The following ZNF248 variants were observed in gnomAD, a reference collection of about 807,000 sequenced individuals.
ZNF248 encodes the protein KRAB protein domain.
ZNF248 carries 20 observed loss-of-function variants against 44.3 expected under a neutral mutation model. The observed-to-expected ratio is 0.45, with a 90% CI of 0.32 to 0.66. The LOEUF is 0.66. Ranked by LOEUF, ZNF248 falls within the 30% of genes least tolerant of loss-of-function variation. The pLI is 0.04. For synonymous variants in ZNF248, 224 were observed against 229.0 expected (o/e 0.98, Z 0.20); for missense variants, 654 against 677.0 (o/e 0.97, Z 0.38).
chr10:37,826,606 A>G (rs1296067549), downstream of ZNF248, among the ~76,000 whole-genome samples: 2 of 152,170 alleles, frequency 1.3e-5, no homozygotes, highest in Non-Finnish European at 2.9e-5. Context: ...ATGTCACAAT[A>G]ATGTCTGTAC....
chr10:37,804,553 C>T (rs2050281854), intron 6 of ZNF248, among the ~76,000 whole-genome samples: 1 of 152,186 alleles, frequency 6.6e-6, no homozygotes, highest in African/African-American at 2.4e-5. Context: ...CCCACCTCAG[C>T]CTCCCGAATA....
At chr10:37,837,513 A>C in intron 5 of ZNF248, 104 bp downstream of exon 5, 1 of 938,504 alleles carries the variant, frequency 1.1e-6, no homozygotes, top group South Asian at 1.6e-5. Context: ...TCTGGGGCTA[A>C]AAAGAGACAT....
intron 6 of ZNF248, among the ~76,000 whole-genome samples, chr10:37,778,666 T>C (rs2046904681): frequency 6.6e-6 from 1 of 152,190 alleles, no homozygotes; most frequent in Non-Finnish European, 1.5e-5. Flanking sequence ...GTTTCAGGTC[T>C]AACGTTTAAG....
chr10:37,764,392 G>A, the ZNF248 span, among the ~76,000 whole-genome samples: 9 of 152,100 alleles, frequency 5.9e-5, no homozygotes, highest in Non-Finnish European at 7.3e-5. Flanking sequence ...ATGCGTGCCC[G>A]AAACTTCATT....
In ZNF248 at chr10:37,828,821, TACAATAAGAA is replaced by T. The variant is rs1485415344; in HGVS notation, c.*2784_*2793del. The stretch of plus-strand genomic sequence containing the variant: ...ACAGAGCTGCTTACCTTACACCACA[TACAATAAGAA>T]ACACCACAGGGAGGTATGAATAATG... On this transcript the variant is annotated 3_prime_UTR_variant, in exon 6 of 6. Transcript: ENST00000395867. The T allele has an allele frequency of 4.4e-5, 43 of 985,292 alleles. No homozygotes were observed. Among genetic ancestry groups the T allele is most frequent in the Non-Finnish European group, 5.1e-5 (42 of 829,938 alleles). The allele number at this position is 985,292 out of a possible 1,614,324, so 61.0% of individuals were successfully genotyped here. A position where few individuals can be genotyped will look rare whatever the true frequency, so the allele number is the denominator to read the frequency against.
the ZNF248 span, among the ~76,000 whole-genome samples, chr10:37,768,878 G>C: frequency 3.9e-5 from 6 of 152,052 alleles, no homozygotes; most frequent in African/African-American, 1.4e-4. Context: ...CTGCTAGCAA[G>C]ACTAATAAAG....
At chr10:37,827,386 G>T (rs35712570), downstream of ZNF248, among the ~76,000 whole-genome samples, 2 of 152,184 alleles carry the variant, frequency 1.3e-5, no homozygotes, top group African/African-American at 2.4e-5. Flanking sequence ...ACCAATAACA[G>T]AGAGTATTGG....
At chr10:37,857,833 G>T (rs1185863893), upstream of ZNF248, 1 of 152,490 alleles carries the variant, frequency 6.6e-6, no homozygotes, top group Non-Finnish European at 1.5e-5. Flanking sequence ...CGGGAGCCCC[G>T]GAACTCGCGT....
At position 37,831,683 on chromosome 10, in the gene ZNF248, T is replaced by TA; in HGVS notation, c.1671dup (p.Ser558Ter). On this transcript the variant is annotated frameshift_variant, in exon 6 of 6. Coordinates refer to ENST00000395867, the MANE Select transcript of ZNF248 (RefSeq NM_021045.3). LOFTEE classifies it high-confidence loss of function. ...TGTTTGGTGAGCACTGACCTCTGAC[T>TA]AAAGGTCTTCCCACATGCATTACAC... 1 of 1,613,950 alleles carries TA rather than the reference T, an allele frequency of 6.2e-7. No individual in the cohort carries two copies. The highest frequency in any genetic ancestry group is 1.1e-5 in the South Asian group (1 of 91,074).
chr10:37,837,701 T>C lies in ZNF248; in HGVS notation c.154A>G (p.Thr52Ala), dbSNP rs367729167. 39 of 1,613,888 alleles carry C rather than the reference T, an allele frequency of 2.4e-5. No individual in the cohort carries two copies. Among genetic ancestry groups the C allele is most frequent in the Non-Finnish European group, 3.1e-5 (37 of 1,179,960 alleles). Residue 52 changes from threonine (T) to alanine (A), a missense_variant, in exon 5 of 6, where the codon ACT becomes GCT. Physicochemically the swap from Thr to Ala is moderately conservative, Grantham distance 58 (BLOSUM62 0). Transcript: ENST00000395867. ...SNLVSVGYCI[T>A]KPEVIFKIEQ... ...ATCTTAAAGATCACTTCTGGTTTAGTAATGCAATACCCTGTTAAGAGAAAA... is the reference window on the plus strand; with the variant it reads ...ATCTTAAAGATCACTTCTGGTTTAGCAATGCAATACCCTGTTAAGAGAAAA...
chr10:37,764,345 T>A, the ZNF248 span, among the ~76,000 whole-genome samples: 6 of 152,330 alleles, frequency 3.9e-5, no homozygotes, highest in African/African-American at 1.4e-4. Flanking sequence ...TTGTCTGCTC[T>A]CAAACCCTGT....
chr10:37,774,156 G>C (rs2046401464), downstream of ZNF248, among the ~76,000 whole-genome samples: 1 of 152,068 alleles, frequency 6.6e-6, no homozygotes. Context: ...AGAAGAAATG[G>C]GGAGTAGTCT....
chr10:37,819,910 T>C (rs1191318947), intron 6 of ZNF248: 5 of 773,752 alleles, frequency 6.5e-6, no homozygotes, highest in Admixed American at 1.7e-5. Flanking sequence ...AGCATAACCA[T>C]CTGCCCATTG....
intron 6 of ZNF248, among the ~76,000 whole-genome samples, chr10:37,805,091 T>C (rs1330505183): frequency 1.3e-5 from 2 of 152,290 alleles, no homozygotes; most frequent in East Asian, 1.9e-4. Flanking sequence ...AACAGTTGTA[T>C]TTTTTGTATT....
At chr10:37,805,880 G>A (rs1273069691) in intron 6 of ZNF248, among the ~76,000 whole-genome samples, 1 of 151,926 alleles carries the variant, frequency 6.6e-6, no homozygotes, top group Non-Finnish European at 1.5e-5. Flanking sequence ...CATACATATG[G>A]TACAGTATTC....
At position 37,828,948 on chromosome 10, in the gene ZNF248, GAACA is replaced by G; in HGVS notation, c.*2663_*2666del. 2.0e-6 allele frequency: 2 copies of G among 985,464 alleles called. No individual in the cohort carries two copies. The highest frequency in any genetic ancestry group is 2.4e-6 in the Non-Finnish European group (2 of 829,936). The allele number at this position is 985,464 out of a possible 1,614,324, so 61.0% of individuals were successfully genotyped here. A position where few individuals can be genotyped will look rare whatever the true frequency, so the allele number is the denominator to read the frequency against. On this transcript the variant is annotated 3_prime_UTR_variant, in exon 6 of 6. Coordinates refer to ENST00000395867, the MANE Select transcript of ZNF248 (RefSeq NM_021045.3). ...GTTTACTTATGCTAACAGGAAAGCA[GAACA>G]AACAGAAACACTTAACTTGCAACTA...
intron 6 of ZNF248, chr10:37,794,463 T>G (rs1481398797): frequency 1.5e-4 from 24 of 161,252 alleles, no homozygotes; most frequent in Non-Finnish European, 1.4e-5. Flanking sequence ...GAGATTTAAA[T>G]TGCTACTGGT....
intron 3 of ZNF248, among the ~76,000 whole-genome samples, chr10:37,851,821 G>A (rs1258353681): frequency 7.0e-6 from 1 of 141,962 alleles, no homozygotes; most frequent in Non-Finnish European, 1.5e-5. Context: ...GTGATGGCAA[G>A]GATAGAGAGA....
chr10:37,832,075 T>C lies in ZNF248; in HGVS notation c.1280A>G (p.Gln427Arg). 6.2e-7 allele frequency: 1 copy of C among 1,614,014 alleles called. No homozygotes were observed. The highest frequency in any genetic ancestry group is 8.5e-7 in the Non-Finnish European group (1 of 1,179,924). ...GGGTTTTTCTCCTGTATGTGTTCGCTGATGGTTGGTCAGGTGTGGTTTCTG... is the reference window on the plus strand; with the variant it reads ...GGGTTTTTCTCCTGTATGTGTTCGCCGATGGTTGGTCAGGTGTGGTTTCTG... The part of the protein sequence containing the change: ...FCQKPHLTNH[Q>R]RTHTGEKPYE... Residue 427 changes from glutamine to arginine, a missense_variant, in exon 6 of 6, where the codon CAG becomes CGG. Transcript: ENST00000395867.
Sources: allele counts gnomAD v4.1 joint callset (sites outside exome capture counted in the v4.1 genomes callset), GRCh38; gene constraint gnomAD v4.1.1; transcripts MANE v1.5; gene names NCBI Gene and HGNC (gene_info 2026-07-23, HGNC 2026-07-21).